The following RPN1 variants were observed in gnomAD, a reference collection of about 807,000 sequenced individuals.
RPN1 encodes the protein dolichyl-diphosphooligosaccharide--protein glycosyltransferase subunit 1.
RPN1 carries 12 observed loss-of-function variants against 55.5 expected under a neutral mutation model. The observed-to-expected ratio is 0.22, with a 90% CI of 0.14 to 0.35. RPN1 has a LOEUF of 0.35. RPN1 is among the 10% of genes least tolerant of loss of function. The pLI is 1.00. For synonymous variants in RPN1, 317 were observed against 305.9 expected (o/e 1.04, Z -0.38); for missense variants, 679 against 761.3 (o/e 0.89, Z 1.27).
chr3:128,623,269 G>T (rs1408427634), intron 8 of RPN1, among the ~76,000 whole-genome samples: 1 of 152,164 alleles, frequency 6.6e-6, no homozygotes, highest in Non-Finnish European at 1.5e-5. Flanking sequence ...AGGTGCAGTG[G>T]CTCACACCTG....
rs2069548529 is a variant in RPN1, at chr3:128,620,218, A to ATT, written c.*192_*193insAA. 7.5e-6 allele frequency: 3 copies of ATT among 400,622 alleles called. No individual in the cohort carries two copies. The highest frequency in any genetic ancestry group is 4.4e-5 in the Admixed American group (1 of 22,490). 24.8% of individuals were successfully genotyped at this position (400,622 alleles called of 1,614,324 possible). A position where few individuals can be genotyped will look rare whatever the true frequency, so the allele number is the denominator to read the frequency against. On this transcript the variant is annotated 3_prime_UTR_variant, in exon 10 of 10. Coordinates refer to ENST00000296255, the MANE Select transcript of RPN1 (RefSeq NM_002950.4). ...TTTTTAAAGTTTTCTTTTTTTAAAA[A>ATT]AAAAAAAAAAGAAAGTTAAGGACAA...
At chr3:128,638,997 A>G (rs1286829188) in intron 2 of RPN1, among the ~76,000 whole-genome samples, 1 of 152,162 alleles carries the variant, frequency 6.6e-6, no homozygotes, top group Non-Finnish European at 1.5e-5. Flanking sequence ...ACCACACAAC[A>G]GAATACTGAC....
rs2107712765 is a variant in RPN1, at chr3:128,622,418, A to T, written c.1396-9T>A. The T allele has an allele frequency of 6.2e-7, 1 of 1,613,966 alleles. No individual in the cohort carries two copies. Among genetic ancestry groups the T allele is most frequent in the Non-Finnish European group, 8.5e-7 (1 of 1,179,954 alleles). On this transcript the variant is annotated splice_polypyrimidine_tract_variant and intron_variant, in intron 8 of 9. Transcript: ENST00000296255. ...GCTTCTGCGGCTGGATCCTGAAGGA[A>T]GGAGAGGCACCATGTGTGACAACAT...
chr3:128,626,657 C>T (rs2069601886), intron 6 of RPN1, 76 bp downstream of exon 6: 4 of 1,285,646 alleles, frequency 3.1e-6, no homozygotes, highest in Non-Finnish European at 4.5e-6. Flanking sequence ...GCCCCTAGAA[C>T]ATAGGCTCTC....
chr3:128,622,022 C>A (rs1265195244), intron 9 of RPN1, 142 bp downstream of exon 9: 1 of 811,586 alleles, frequency 1.2e-6, no homozygotes, highest in Non-Finnish European at 1.9e-6. Flanking sequence ...AGGACTGGCA[C>A]CACATGAAAA....
intron 1 of RPN1, among the ~76,000 whole-genome samples, chr3:128,649,777 G>T (rs186034668): frequency 6.6e-6 from 1 of 152,326 alleles, no homozygotes; most frequent in Admixed American, 6.5e-5. Context: ...GTAAGAATGA[G>T]AAGCAGCAGG....
intron 4 of RPN1, 86 bp from the exon 5 acceptor site, chr3:128,630,229 A>G: frequency 1.2e-6 from 1 of 823,204 alleles, no homozygotes; most frequent in Non-Finnish European, 1.9e-6. Flanking sequence ...TCCTGCACCA[A>G]GATCCTCACA....
At chr3:128,627,657 G>A (rs1219960413) in intron 5 of RPN1, among the ~76,000 whole-genome samples, 1 of 150,844 alleles carries the variant, frequency 6.6e-6, no homozygotes, top group Non-Finnish European at 1.5e-5. Flanking sequence ...TGTAATCCCA[G>A]CAACTTGGGA....
At chr3:128,625,007 T>C (rs932629359) in intron 8 of RPN1, among the ~76,000 whole-genome samples, 8 of 151,780 alleles carry the variant, frequency 5.3e-5, no homozygotes, top group African/African-American at 1.7e-4. Flanking sequence ...GAATGAGAAA[T>C]GGAGGAAGGA....
intron 2 of RPN1, among the ~76,000 whole-genome samples, chr3:128,640,266 A>G (rs2069715517): frequency 6.6e-6 from 1 of 152,184 alleles, no homozygotes; most frequent in Admixed American, 6.6e-5. Flanking sequence ...CCAGGAGAAC[A>G]ATTTTTAGAA....
chr3:128,627,441 A>T (rs1056854600), intron 5 of RPN1, among the ~76,000 whole-genome samples: 1 of 152,214 alleles, frequency 6.6e-6, no homozygotes, highest in African/African-American at 2.4e-5. Flanking sequence ...GGAAGGTACA[A>T]AAGCCACTCT....
At chr3:128,635,057 CACGTGGGCCCT>C (rs2069667090) in intron 3 of RPN1, among the ~76,000 whole-genome samples, 1 of 152,068 alleles carries the variant, frequency 6.6e-6, no homozygotes, top group Non-Finnish European at 1.5e-5. Context: ...TCACAGTGGG[CACGTGGGCCCT>C]GGGCACTCTG....
At chr3:128,648,410 A>G (rs2069785814) in intron 1 of RPN1, among the ~76,000 whole-genome samples, 1 of 151,884 alleles carries the variant, frequency 6.6e-6, no homozygotes, top group Non-Finnish European at 1.5e-5. Context: ...AAAATACAAA[A>G]ATTAGCCAGG....
At chr3:128,645,414 C>T (rs989306248) in intron 1 of RPN1, among the ~76,000 whole-genome samples, 5 of 150,038 alleles carry the variant, frequency 3.3e-5, no homozygotes, top group East Asian at 4.0e-4. Context: ...AGGTTGCAGC[C>T]GGCTGAGATG....
At position 128,625,488 on chromosome 3, in the gene RPN1, T is replaced by C. The variant is rs759567958; in HGVS notation, c.1395+46A>G. The C allele has an allele frequency of 2.5e-6, 4 of 1,613,594 alleles. No homozygotes were observed. The East Asian group carries it at 6.7e-5, about 27-fold the overall frequency. ...GATCAGTGCTCAAGCTGGTGAAATA[T>C]TACCAAGGACACAAATGACAAGCAG... On this transcript the variant is annotated intron_variant, in intron 8 of 9. Coordinates refer to ENST00000296255, the MANE Select transcript of RPN1 (RefSeq NM_002950.4).
Position 128,620,575 on chromosome 3 carries a change from G to C in RPN1, c.1660C>G (p.Leu554Val). 6.2e-7 allele frequency: 1 copy of C among 1,613,514 alleles called. No homozygotes were observed. The highest frequency in any genetic ancestry group is 8.5e-7 in the Non-Finnish European group (1 of 1,179,696). Residue 554 changes from leucine to valine, a missense_variant, in exon 10 of 10, where the codon CTG becomes GTG. Coordinates refer to ENST00000296255, the MANE Select transcript of RPN1 (RefSeq NM_002950.4). ...ACCAGCTCCTTGACCTGTGCATCCA[G>C]CTTCTGCATTTCGCTCACCTGGCCG... ...LCDRVSEMQK[L>V]DAQVKELVLK...
intron 4 of RPN1, 46 bp downstream of exon 4, chr3:128,631,902 G>C (rs1283359022): frequency 5.0e-6 from 8 of 1,601,390 alleles, no homozygotes; most frequent in Non-Finnish European, 6.8e-6. Context: ...AGGTAGCTGT[G>C]ATAAAGTCCT....
rs1000616332 is a variant in RPN1 at position 128,638,202 on chromosome 3, A to G, written c.327-97T>C. ...CACAACAAAATTTTGAACCAAAGAC[A>G]AAAGCAATTATCTTTAAGAGATCAC... is the stretch of plus-strand genomic sequence containing the variant. On this transcript the variant is annotated intron_variant, in intron 2 of 9. Transcript: ENST00000296255. The G allele has an allele frequency of 9.7e-6, 8 of 828,924 alleles. No homozygotes were observed. In the South Asian group the frequency reaches 1.2e-4, roughly 13 times the overall value. The allele number at this position is 828,924 out of a possible 1,614,324, so 51.3% of individuals were successfully genotyped here.
intron 2 of RPN1, among the ~76,000 whole-genome samples, chr3:128,638,408 C>A (rs1446066728): frequency 6.6e-6 from 1 of 152,200 alleles, no homozygotes; most frequent in African/African-American, 2.4e-5. Flanking sequence ...AACATTTACA[C>A]TGTTTTACAC....
Sources: allele counts gnomAD v4.1 joint callset (sites outside exome capture counted in the v4.1 genomes callset), GRCh38; gene constraint gnomAD v4.1.1; transcripts MANE v1.5; gene names NCBI Gene and HGNC (gene_info 2026-07-23, HGNC 2026-07-21).